The following POLQ variants were observed in gnomAD, a reference collection of about 807,000 sequenced individuals.
POLQ encodes DNA polymerase theta.
In POLQ, 233 loss-of-function variants were observed where a neutral mutation model predicts 259.2. The observed-to-expected ratio is 0.90, with a 90% CI of 0.81 to 1.00. POLQ has a LOEUF of 1.00. Ranked by LOEUF, POLQ falls within the 50% of genes least tolerant of loss-of-function variation. POLQ has a pLI of 0.00. For synonymous variants in POLQ, 1,025 were observed against 1,048.8 expected (o/e 0.98, Z 0.44); for missense variants, 2,871 against 3,051.6 (o/e 0.94, Z 1.39).
chr3:121,500,277 T>TAAAAAAAAAAAAAAAAAAAAAAAAAA (rs2048156333), intron 12 of POLQ, among the ~76,000 whole-genome samples: 1 of 95,304 alleles, frequency 1.0e-5, no homozygotes, highest in Non-Finnish European at 1.9e-5. Flanking sequence ...AGAATATGTC[T>TAAAAAAAAAAAAAAAAAAAAAAAAAA]CAAAAAAAAA....
intron 21 of POLQ, among the ~76,000 whole-genome samples, chr3:121,472,864 C>T (rs1028025728): frequency 1.3e-5 from 2 of 152,204 alleles, no homozygotes; most frequent in African/African-American, 4.8e-5. Flanking sequence ...TCTCTTCCCT[C>T]CCACTAATGT....
In POLQ at chr3:121,510,240, T is replaced by C. The variant is rs1372141871; in HGVS notation, c.1615A>G (p.Ile539Val). The C allele has an allele frequency of 6.2e-7, 1 of 1,606,640 alleles. No homozygotes were observed. The highest frequency in any genetic ancestry group is 1.7e-5 in the Admixed American group (1 of 59,778). ...GSMIRAILEI[I>V]VGGVASTSQD... ...GATGTACTTGCCACTCCACCAACTA[T>C]TATCTGAAAGAAGATATTTGGAAAT... Residue 539 changes from isoleucine (I) to valine (V), a missense_variant, in exon 11 of 30, where the codon ATA becomes GTA. Around this residue, in one of 3 missense-constraint regions of POLQ, gnomAD observed 783 missense variants for 906.2 expected, o/e 0.86. Coordinates refer to ENST00000264233, the MANE Select transcript of POLQ (RefSeq NM_199420.4).
intron 16 of POLQ, 73 bp from the exon 17 acceptor site, chr3:121,485,257 A>T: frequency 9.5e-7 from 1 of 1,056,604 alleles, no homozygotes; most frequent in Non-Finnish European, 1.3e-6. Flanking sequence ...TAAAACAATT[A>T]TAATAAAAAA....
Position 121,488,601 on chromosome 3 carries a change from T to C in POLQ, c.4330A>G (p.Ser1444Gly), listed in dbSNP as rs1343446662. 2 of 1,606,390 alleles carry C rather than the reference T, an allele frequency of 1.2e-6. No individual in the cohort carries two copies. The highest frequency in any genetic ancestry group is 1.3e-5 in the African/African-American group (1 of 74,266). The change falls in exon 16 of 30, where the codon AGT becomes GGT. Residue 1444 changes from serine (S) to glycine (G), a missense_variant. By Grantham distance (56) the Ser-to-Gly change is moderately conservative. Transcript: ENST00000264233. ...EVSVTDSQLN[S>G]FLQGYQTQET... Reference sequence around the variant, plus strand: ...TGTGTTTGATAACCTTGAAGAAAACTATTTAATTGTGAATCAGTAACAGAA... The same window carrying C: ...TGTGTTTGATAACCTTGAAGAAAACCATTTAATTGTGAATCAGTAACAGAA...
intron 2 of POLQ, among the ~76,000 whole-genome samples, chr3:121,543,454 G>A (rs1025489565): frequency 2.0e-5 from 3 of 152,204 alleles, no homozygotes; most frequent in Non-Finnish European, 4.4e-5. Context: ...AGTAATCTGT[G>A]AGGCTGCATA....
intron 25 of POLQ, among the ~76,000 whole-genome samples, chr3:121,451,705 G>A (rs2047678804): frequency 1.3e-5 from 2 of 152,200 alleles, no homozygotes; most frequent in East Asian, 3.8e-4. Context: ...CCTACTGGGG[G>A]GTGCCTCCTA....
At chr3:121,498,103 G>T (rs1006809888) in intron 13 of POLQ, among the ~76,000 whole-genome samples, 2 of 151,972 alleles carry the variant, frequency 1.3e-5, no homozygotes, top group African/African-American at 4.8e-5. Context: ...CTGAGGTCAG[G>T]AGTTTAAGAC....
chr3:121,461,834 A>G (rs1442774776), intron 24 of POLQ, among the ~76,000 whole-genome samples: 2 of 152,184 alleles, frequency 1.3e-5, no homozygotes, highest in African/African-American at 4.8e-5. Flanking sequence ...AATCTATAAG[A>G]ATTGGGAAGG....
At chr3:121,521,898 G>T in intron 8 of POLQ, 105 bp downstream of exon 8, 1 of 803,678 alleles carries the variant, frequency 1.2e-6, no homozygotes, top group Non-Finnish European at 1.9e-6. Flanking sequence ...AGAAATCTAA[G>T]GACATTAAGT....
chr3:121,460,204 T>C lies in POLQ; in HGVS notation c.6998A>G (p.Gln2333Arg), dbSNP rs760819269. 16 of 1,613,644 alleles carry C rather than the reference T, an allele frequency of 9.9e-6. No homozygotes were observed. In the African/African-American group the frequency reaches 2.0e-4, roughly 20 times the overall value. Residue 2333 changes from glutamine (Q) to arginine (R), a missense_variant, in exon 25 of 30, where the codon CAG becomes CGG. This residue lies in a region of POLQ where 2,080 missense variants were observed against 2,126.0 expected (regional missense o/e 0.98). Transcript: ENST00000264233. ...ATGAGCCAAGATCCTCAGTTCAAGCTGAGAGTAGTCAGCAGCCAGTATTGA... is the reference window on the plus strand; with the variant it reads ...ATGAGCCAAGATCCTCAGTTCAAGCCGAGAGTAGTCAGCAGCCAGTATTGA... ...GGSILAADYS[Q>R]LELRILAHLS...
At chr3:121,541,659 AAT>A (rs2048490966) in intron 2 of POLQ, among the ~76,000 whole-genome samples, 180 bp from the exon 3 acceptor site, 1 of 152,232 alleles carries the variant, frequency 6.6e-6, no homozygotes, top group Non-Finnish European at 1.5e-5. Flanking sequence ...CACCTGTCTT[AAT>A]AGTCTCAACT....
rs760094082 is a variant in POLQ at position 121,522,127 on chromosome 3, G to GCATTCAGA, written c.1123_1130dup (p.Pro378LeufsTer6). 3.7e-6 allele frequency: 6 copies of GCATTCAGA among 1,602,658 alleles called. No individual in the cohort carries two copies. The East Asian group carries it at 1.3e-4, about 36-fold the overall frequency. ...CTTTTTGTTCCAGAATTACTGGTGGGCATTCAGAGGGTTTCACCAATCCTG... is the reference window on the plus strand; with the variant it reads ...CTTTTTGTTCCAGAATTACTGGTGGGCATTCAGACATTCAGAGGGTTTCACCAATCCTG... On this transcript the variant is annotated frameshift_variant, in exon 8 of 30. Transcript: ENST00000264233. LOFTEE classifies it high-confidence loss of function.
At chr3:121,540,995 C>T (rs757225966) in intron 3 of POLQ, among the ~76,000 whole-genome samples, 9 of 151,936 alleles carry the variant, frequency 5.9e-5, no homozygotes, top group Non-Finnish European at 1.2e-4. Context: ...AGGTTCAAGC[C>T]TCAGTCTCCC....
In POLQ at chr3:121,533,098, A is replaced by G. The variant is rs776609443; in HGVS notation, c.852T>C (p.His284=). 1.2e-6 allele frequency: 2 copies of G among 1,614,048 alleles called. No individual in the cohort carries two copies. Among genetic ancestry groups the G allele is most frequent in the East Asian group, 2.2e-5 (1 of 44,882 alleles). Reference sequence around the variant, plus strand: ...AAAGCGGTACAGGGCGAAAGTCGGTATGGTAGAGTTCAGCATTCAACCAGG... The same window carrying G: ...AAAGCGGTACAGGGCGAAAGTCGGTGTGGTAGAGTTCAGCATTCAACCAGG... ...VASWLNAELY[H]TDFRPVPLLE... The change falls in exon 6 of 30, where the codon CAT becomes CAC. Residue 284 remains histidine, a synonymous_variant. Transcript: ENST00000264233.
At chr3:121,465,395 A>C (rs369714645) in intron 24 of POLQ, among the ~76,000 whole-genome samples, 6 of 152,132 alleles carry the variant, frequency 3.9e-5, no homozygotes, top group South Asian at 4.1e-4. Context: ...CCTTGTGAGA[A>C]ATACTTTTGA....
chr3:121,522,129 A>T lies in POLQ; in HGVS notation c.1129T>A (p.Cys377Ser). ...QAEGLVKPSE[C>S]PPVILEQKEL... ...TTTTGTTCCAGAATTACTGGTGGGCATTCAGAGGGTTTCACCAATCCTGTC... is the reference window on the plus strand; with the variant it reads ...TTTTGTTCCAGAATTACTGGTGGGCTTTCAGAGGGTTTCACCAATCCTGTC... The change falls in exon 8 of 30, where the codon TGC (cysteine) becomes AGC (serine). Residue 377 changes from cysteine (C) to serine (S), a missense_variant. Cys to Ser is a moderately radical substitution (Grantham distance 112). This residue lies in a region of POLQ where 783 missense variants were observed against 906.2 expected (regional missense o/e 0.86). Transcript: ENST00000264233. 6.2e-7 allele frequency: 1 copy of T among 1,604,198 alleles called. No individual in the cohort carries two copies. The highest frequency in any genetic ancestry group is 8.5e-7 in the Non-Finnish European group (1 of 1,177,554).
At chr3:121,449,498 C>T (rs978882663) in intron 25 of POLQ, 72 bp from the exon 26 acceptor site, 25 of 807,054 alleles carry the variant, frequency 3.1e-5, no homozygotes, top group African/African-American at 1.4e-4. Flanking sequence ...CATTAGGATG[C>T]GAATTTCGGC....
intron 12 of POLQ, among the ~76,000 whole-genome samples, chr3:121,502,742 TA>T (rs1395395897): frequency 6.6e-6 from 1 of 152,204 alleles, no homozygotes; most frequent in Non-Finnish European, 1.5e-5. Context: ...TCAGCTTCTC[TA>T]AAAACATTAA....
chr3:121,526,355 G>T (rs898654564), intron 7 of POLQ, among the ~76,000 whole-genome samples: 1 of 152,120 alleles, frequency 6.6e-6, no homozygotes, highest in Admixed American at 6.5e-5. Context: ...TCCCTCTAAG[G>T]CTTGAGTATT....
Sources: gnomAD v4.1 joint callset for allele counts (sites outside exome capture counted in the v4.1 genomes callset) on GRCh38, gnomAD v4.1.1 for gene constraint, gnomAD v4.1.1 regional missense constraint, MANE v1.5 for transcripts, NCBI Gene and HGNC (gene_info 2026-07-23, HGNC 2026-07-21) for gene names.